FGD5: variants seen among roughly 807,000 people sequenced by gnomAD.
FGD5 encodes FYVE, RhoGEF and PH domain containing 5.
FGD5 carries 28 observed loss-of-function variants against 133.4 expected under a neutral mutation model. The observed-to-expected ratio is 0.21, with a 90% CI of 0.16 to 0.29. The LOEUF is 0.29. FGD5 is among the 10% of genes least tolerant of loss of function. FGD5 has a pLI of 1.00. For synonymous variants in FGD5, 810 were observed against 776.5 expected, an observed-to-expected ratio of 1.04 and a Z score of -0.72; for missense variants, 1,858 against 1,895.2, an observed-to-expected ratio of 0.98 and a Z score of 0.36.
chr3:14,906,629 C>T (rs528283833), intron 9 of FGD5, among the ~76,000 whole-genome samples: 1 of 152,366 alleles, frequency 6.6e-6, no homozygotes, highest in South Asian at 2.1e-4. Flanking sequence ...CAGATTCCCT[C>T]GCGTCTGCAG....
In FGD5 at chr3:14,891,825, A is replaced by C. The variant is rs576198533; in HGVS notation, c.2749-5684A>C. Among the ~76,000 whole-genome samples the C allele has an allele frequency of 1.1e-3, 166 of 152,258 alleles. 1 individual carries two copies. The highest frequency in any genetic ancestry group is 3.8e-3 in the African/African-American group (159 of 41,562). Reference sequence around the variant, plus strand: ...GAGGCACAGTGCGAGGGGGTCTCTCAGTCTCTACATCTCACCCTGGAGCCC... The same window carrying C: ...GAGGCACAGTGCGAGGGGGTCTCTCCGTCTCTACATCTCACCCTGGAGCCC... On this transcript the variant is annotated intron_variant, in intron 4 of 19. Coordinates refer to ENST00000285046, the MANE Select transcript of FGD5 (RefSeq NM_152536.4).
intron 9 of FGD5, among the ~76,000 whole-genome samples, chr3:14,906,160 T>TGGTGCATGTTCAAGAACAGGGAGG (rs1465034975): frequency 6.6e-5 from 10 of 152,180 alleles, no homozygotes; most frequent in African/African-American, 2.2e-4. Flanking sequence ...AGGAAGGCCC[T>TGGTGCATGTTCAAGAACAGGGAGG]CTCCCCATGT....
At position 14,900,387 on chromosome 3, in the gene FGD5, C is replaced by G; in HGVS notation, c.3155-16C>G. 6.2e-7 allele frequency: 1 copy of G among 1,612,598 alleles called. No homozygotes were observed. Among genetic ancestry groups the G allele is most frequent in the Non-Finnish European group, 8.5e-7 (1 of 1,179,338 alleles). ...CCTCACCAGTAGCTGACTCCTGGTTCTTATCCTGCCAACAGACTATTTAAA... is the reference window on the plus strand; with the variant it reads ...CCTCACCAGTAGCTGACTCCTGGTTGTTATCCTGCCAACAGACTATTTAAA... On this transcript the variant is annotated splice_polypyrimidine_tract_variant and intron_variant, in intron 7 of 19. Transcript: ENST00000285046.
At chr3:14,897,878 C>T (rs374862604) in intron 5 of FGD5, 61 bp from the exon 6 acceptor site, 6 of 1,600,264 alleles carry the variant, frequency 3.7e-6, no homozygotes, top group Non-Finnish European at 5.1e-6. Flanking sequence ...CCCCCTGCTT[C>T]TAACCCTGCG....
chr3:14,834,692 A>T (rs2036781586), intron 1 of FGD5, among the ~76,000 whole-genome samples: 1 of 152,242 alleles, frequency 6.6e-6, no homozygotes, highest in Non-Finnish European at 1.5e-5. Context: ...ACCCTGTGCC[A>T]CACACAGTAG....
rs375062094 is a variant in FGD5, at chr3:14,839,857, T to G, written c.2525+18261T>G. Among the ~76,000 whole-genome samples, 374 of 152,110 alleles carry G rather than the reference T, an allele frequency of 2.5e-3. 3 individuals carry two copies. Among genetic ancestry groups the G allele is most frequent in the African/African-American group, 8.3e-3 (345 of 41,504 alleles). ...CTGAGGCAGGAGAATCGCATGAACC[T>G]GGGAGGCAGAGCTTGCAGTCAGTCG... is the stretch of plus-strand genomic sequence containing the variant. On this transcript the variant is annotated intron_variant, in intron 1 of 19. Coordinates refer to ENST00000285046, the MANE Select transcript of FGD5 (RefSeq NM_152536.4).
rs779069628 is a variant in FGD5, at chr3:14,820,367, G to C, written c.1296G>C (p.Met432Ile). 6.2e-7 allele frequency: 1 copy of C among 1,613,636 alleles called. No individual in the cohort carries two copies. The highest frequency in any genetic ancestry group is 8.5e-7 in the Non-Finnish European group (1 of 1,179,740). The change falls in exon 1 of 20, where the codon ATG (methionine) becomes ATC (isoleucine). Residue 432 changes from methionine to isoleucine, a missense_variant. Transcript: ENST00000285046. ...ATGCACTGGCCAACCCCTATGTGAT[G>C]GGAGTGGGCCTGCCCGGTCAGGCGG... ...LDDALANPYVMGVGLPGQAAP... is the reference protein window; with the variant it reads ...LDDALANPYVIGVGLPGQAAP...
chr3:14,927,443 A>C (rs2038825053), intron 18 of FGD5, among the ~76,000 whole-genome samples: 1 of 152,144 alleles, frequency 6.6e-6, no homozygotes, highest in Non-Finnish European at 1.5e-5. Context: ...ACATAGTGAA[A>C]CCCTATCTCA....
chr3:14,908,616 G>T (rs1206798302), intron 10 of FGD5, among the ~76,000 whole-genome samples: 3 of 152,144 alleles, frequency 2.0e-5, no homozygotes, highest in Non-Finnish European at 4.4e-5. Flanking sequence ...GCCGGGTGTG[G>T]TGGCTCATGC....
At chr3:14,884,450 G>T (rs1235588947) in intron 4 of FGD5, among the ~76,000 whole-genome samples, 2 of 152,148 alleles carry the variant, frequency 1.3e-5, no homozygotes, top group Admixed American at 6.5e-5. Flanking sequence ...AGCCACACTG[G>T]CCTTCTTTCT....
chr3:14,867,570 G>A (rs2037520200), intron 2 of FGD5, among the ~76,000 whole-genome samples: 1 of 152,164 alleles, frequency 6.6e-6, no homozygotes, highest in African/African-American at 2.4e-5. Flanking sequence ...AGTCCCCCAA[G>A]AGGCTGTGAC....
chr3:14,854,196 C>T (rs2037225951), intron 1 of FGD5, among the ~76,000 whole-genome samples: 1 of 151,940 alleles, frequency 6.6e-6, no homozygotes, highest in African/African-American at 2.4e-5. Context: ...ACATTCTGGG[C>T]TACTTGGTCA....
Position 14,923,035 on chromosome 3 carries a change from T to G in FGD5, c.3808-11T>G. The G allele has an allele frequency of 6.2e-7, 1 of 1,613,768 alleles. No individual in the cohort carries two copies. Among genetic ancestry groups the G allele is most frequent in the Non-Finnish European group, 8.5e-7 (1 of 1,179,800 alleles). On this transcript the variant is annotated splice_polypyrimidine_tract_variant and intron_variant, in intron 15 of 19. Transcript: ENST00000285046. Reference sequence around the variant, plus strand: ...TGAGAGGGGTGAGAATCTTCCCACCTGGGCCTGCAGATCGTGTGCCGGAAC... The same window carrying G: ...TGAGAGGGGTGAGAATCTTCCCACCGGGGCCTGCAGATCGTGTGCCGGAAC...
intron 4 of FGD5, among the ~76,000 whole-genome samples, chr3:14,896,580 C>T (rs540029339): frequency 1.3e-5 from 2 of 152,126 alleles, no homozygotes; most frequent in African/African-American, 2.4e-5. Flanking sequence ...AAGCGATTCT[C>T]GTGCCTCAGC....
intron 11 of FGD5, among the ~76,000 whole-genome samples, chr3:14,912,237 G>A (rs974334085): frequency 1.3e-5 from 2 of 152,184 alleles, no homozygotes; most frequent in African/African-American, 2.4e-5. Context: ...TGCAGTGCTG[G>A]CAGGGTGTGC....
chr3:14,931,841 C>T (rs1170285199), intron 18 of FGD5: 1 of 152,138 alleles, frequency 6.6e-6, no homozygotes, highest in South Asian at 2.1e-4. Flanking sequence ...GAGTCACTGA[C>T]TGATGAAATC....
intron 2 of FGD5, among the ~76,000 whole-genome samples, chr3:14,871,893 C>CT (rs1222708328): frequency 6.6e-6 from 1 of 152,262 alleles, no homozygotes; most frequent in Non-Finnish European, 1.5e-5. Context: ...AGTGGTCACT[C>CT]TCTCTCGCTC....
intron 18 of FGD5, among the ~76,000 whole-genome samples, chr3:14,928,300 G>A (rs2038848166): frequency 6.6e-6 from 1 of 151,938 alleles, no homozygotes; most frequent in Admixed American, 6.6e-5. Flanking sequence ...TCGAACTGCT[G>A]GTCTCAAGTG....
intron 1 of FGD5, among the ~76,000 whole-genome samples, chr3:14,824,450 G>T (rs1037447965): frequency 5.9e-5 from 9 of 152,276 alleles, no homozygotes; most frequent in Non-Finnish European, 1.0e-4. Context: ...TACTTGTCCT[G>T]CCCCATACCT....
Sources: gnomAD v4.1 joint callset for allele counts (sites outside exome capture counted in the v4.1 genomes callset) on GRCh38, gnomAD v4.1.1 for gene constraint, MANE v1.5 for transcripts, NCBI Gene and HGNC (gene_info 2026-07-23, HGNC 2026-07-21) for gene names.